The following ATXN2 variants were observed in gnomAD, a reference collection of about 807,000 sequenced individuals.
ATXN2 encodes ataxin 2.
Under a neutral mutation model 138.6 loss-of-function variants are expected in ATXN2, and 37 were observed. The ratio of observed to expected loss-of-function variants is 0.27; its 90% CI spans 0.21 to 0.35. ATXN2 has a LOEUF of 0.35. Among genes scored for constraint, ATXN2 ranks in the 10% least tolerant of loss-of-function variants. The pLI, the probability that ATXN2 is intolerant of heterozygous loss-of-function variation, is 1.00. For missense variants in ATXN2, 1,216 were observed against 1,480.3 expected, an observed-to-expected ratio of 0.82 and a Z score of 2.93; for synonymous variants, 549 against 543.7, an observed-to-expected ratio of 1.01 and a Z score of -0.13.
rs186217127 is a variant in ATXN2, at chr12:111,587,217, A to G, written c.251+11567T>C. Reference sequence around the variant, plus strand: ...TGCACAAAGTCCACAGCAAATGTTTATAAACCCGAAAAGAAAAATGCAGTA... The same window carrying G: ...TGCACAAAGTCCACAGCAAATGTTTGTAAACCCGAAAAGAAAAATGCAGTA... On this transcript the variant is annotated intron_variant, in intron 1 of 24. Coordinates refer to ENST00000673436, the MANE Select transcript of ATXN2 (RefSeq NM_001372574.1). Among the ~76,000 whole-genome samples, 73 of 152,296 alleles carry G rather than the reference A, an allele frequency of 4.8e-4. No individual in the cohort carries two copies. In the Middle Eastern group the frequency reaches 0.017, roughly 35 times the overall value.
At chr12:111,490,559 G>A (rs1179798513) in intron 14 of ATXN2, among the ~76,000 whole-genome samples, 1 of 152,118 alleles carries the variant, frequency 6.6e-6, no homozygotes, top group Admixed American at 6.6e-5. Flanking sequence ...GACAGAGCAT[G>A]GTGGCCAAAC....
rs1439093981 is a variant in ATXN2 at position 111,453,777 on chromosome 12, T to C, written c.3339A>G (p.Thr1113=). The C allele has an allele frequency of 6.8e-6, 11 of 1,614,036 alleles. No homozygotes were observed. Among genetic ancestry groups the C allele is most frequent in the Non-Finnish European group, 9.3e-6 (11 of 1,180,006 alleles). Residue 1113 remains threonine, a synonymous_variant, in exon 24 of 25, where the codon ACA becomes ACG. Coordinates refer to ENST00000673436, the MANE Select transcript of ATXN2 (RefSeq NM_001372574.1). This position sits in a 1 kb window ranked among gnomAD's most constrained non-coding sequence, Gnocchi z 5.4. ...TAHAPMMLMT[T]QPPGGPQAAL... ...CGGCCTGGGGACCGCCGGGTGGCTG[T>C]GTCGTCATTAGCATCATTGGCGCAT...
Position 111,552,771 on chromosome 12 carries a change from A to AAAT in ATXN2, c.420+134_420+135insATT, listed in dbSNP as rs1222511444. ...CATCAAGAAGCCTCTCTGATTACAC[A>AAAT]AACCAGTCTATAAAATAATCAGTAT... On this transcript the variant is annotated intron_variant, in intron 4 of 24. Transcript: ENST00000673436. The surrounding 1 kb of genome is among the most constrained non-coding windows in gnomAD (Gnocchi z 4.1). 7.9e-6 allele frequency: 5 copies of AAAT among 632,190 alleles called. No individual in the cohort carries two copies. The highest frequency in any genetic ancestry group is 1.3e-5 in the Non-Finnish European group (5 of 382,524). 39.2% of individuals were successfully genotyped at this position (632,190 alleles called of 1,614,324 possible).
intron 1 of ATXN2, among the ~76,000 whole-genome samples, chr12:111,590,894 AT>A (rs879886259): frequency 2.5e-3 from 355 of 144,806 alleles, no homozygotes; most frequent in African/African-American, 3.5e-3. Context: ...AGGTGGAACA[AT>A]TTTTTTTTTT....
At chr12:111,510,257 CT>C (rs1879425546) in intron 12 of ATXN2, 127 bp downstream of exon 12, 1 of 1,082,856 alleles carries the variant, frequency 9.2e-7, no homozygotes, top group Admixed American at 2.4e-5. Flanking sequence ...TTTACATAAA[CT>C]TTTAAATGTG....
At chr12:111,490,439 G>A (rs557740452) in intron 14 of ATXN2, among the ~76,000 whole-genome samples, 2 of 152,204 alleles carry the variant, frequency 1.3e-5, no homozygotes, top group South Asian at 4.1e-4. Context: ...GGCCTAGTCA[G>A]CTTGGAAGGT....
Position 111,598,337 on chromosome 12 carries a change from G to A in ATXN2, c.251+447C>T, listed in dbSNP as rs990418984. The A allele has an allele frequency of 2.0e-6, 2 of 991,514 alleles. No individual in the cohort carries two copies. Among genetic ancestry groups the A allele is most frequent in the Non-Finnish European group, 2.4e-6 (2 of 833,446 alleles). The allele number at this position is 991,514 out of a possible 1,614,324, so 61.4% of individuals were successfully genotyped here. A position where few individuals can be genotyped will look rare whatever the true frequency, so the allele number is the denominator to read the frequency against. On this transcript the variant is annotated intron_variant, in intron 1 of 24. Coordinates refer to ENST00000673436, the MANE Select transcript of ATXN2 (RefSeq NM_001372574.1). This position sits in a 1 kb window ranked among gnomAD's most constrained non-coding sequence, Gnocchi z 4.5. ...CCCTCCAGAGATGTCCCCCATGGAG[G>A]GGGACATGTTCCGGAAAACGCCACC...
At chr12:111,553,658 G>A (rs966079253) in intron 3 of ATXN2, among the ~76,000 whole-genome samples, 8 of 142,934 alleles carry the variant, frequency 5.6e-5, no homozygotes, top group Non-Finnish European at 1.0e-4. Flanking sequence ...CTGAGTGCAG[G>A]GGCATTATCT....
chr12:111,542,933 G>C (rs1881600845), intron 5 of ATXN2, among the ~76,000 whole-genome samples: 1 of 152,108 alleles, frequency 6.6e-6, no homozygotes. Context: ...TGGCAAACAT[G>C]ATAGGGTAGA....
chr12:111,507,532 G>A (rs1182064926), intron 14 of ATXN2, among the ~76,000 whole-genome samples: 1 of 151,176 alleles, frequency 6.6e-6, no homozygotes, highest in African/African-American at 2.4e-5. Flanking sequence ...CCATCCGGGA[G>A]GGAGGTGGGG....
chr12:111,556,014 G>C (rs563712177), intron 1 of ATXN2, 95 bp from the exon 2 acceptor site: 1 of 1,045,714 alleles, frequency 9.6e-7, no homozygotes, highest in African/African-American at 1.6e-5. Flanking sequence ...TCAAATAAAG[G>C]AGAGGCTATC....
chr12:111,460,353 C>T (rs1312773833), intron 21 of ATXN2, among the ~76,000 whole-genome samples: 1 of 152,212 alleles, frequency 6.6e-6, no homozygotes, highest in Non-Finnish European at 1.5e-5. Context: ...GGACTACAGG[C>T]GTGAGCCACC....
At chr12:111,554,889 G>A (rs988882580) in intron 2 of ATXN2, among the ~76,000 whole-genome samples, 1 of 152,146 alleles carries the variant, frequency 6.6e-6, no homozygotes, top group Non-Finnish European at 1.5e-5. Flanking sequence ...CCCTGACTAG[G>A]TTCTCCCAGC....
At chr12:111,484,676 T>C (rs1311936783) in intron 18 of ATXN2, among the ~76,000 whole-genome samples, 1 of 152,132 alleles carries the variant, frequency 6.6e-6, no homozygotes, top group Non-Finnish European at 1.5e-5. Flanking sequence ...CCTCAGGTGA[T>C]ACACCCACCT....
At chr12:111,591,595 T>C (rs1462134380) in intron 1 of ATXN2, among the ~76,000 whole-genome samples, 3 of 152,018 alleles carry the variant, frequency 2.0e-5, no homozygotes, top group South Asian at 2.1e-4. Flanking sequence ...GCCCCATAGA[T>C]TGAGGCTGCA....
intron 1 of ATXN2, among the ~76,000 whole-genome samples, chr12:111,564,233 T>C (rs1332188960): frequency 6.6e-6 from 1 of 151,946 alleles, no homozygotes; most frequent in Non-Finnish European, 1.5e-5. Flanking sequence ...TTTCTACCAC[T>C]ACCAAAATTA....
intron 20 of ATXN2, among the ~76,000 whole-genome samples, chr12:111,465,728 C>T (rs963536938): frequency 7.3e-6 from 1 of 137,614 alleles, no homozygotes; most frequent in Non-Finnish European, 1.5e-5. Context: ...TGAGATCGCA[C>T]CGCTGCACTT....
intron 1 of ATXN2, among the ~76,000 whole-genome samples, chr12:111,592,306 G>C (rs550933817): frequency 1.3e-5 from 2 of 151,726 alleles, no homozygotes; most frequent in Admixed American, 6.6e-5. Flanking sequence ...CAGGAGAATT[G>C]CTTGAACCTG....
In ATXN2 at chr12:111,554,312, G is replaced by A. The variant is rs746631845; in HGVS notation, c.289-95C>T. 2.3e-5 allele frequency: 20 copies of A among 858,180 alleles called. 1 individual carries two copies. In the Admixed American group the frequency reaches 2.7e-4, roughly 12 times the overall value. 53.2% of individuals were successfully genotyped at this position (858,180 alleles called of 1,614,324 possible). On this transcript the variant is annotated intron_variant, in intron 2 of 24. Coordinates refer to ENST00000673436, the MANE Select transcript of ATXN2 (RefSeq NM_001372574.1). ...TGGGACCAGAAGTATTTTAGACTGCGGATTTTTTTCGGATTTGGGGATATT... is the reference window on the plus strand; with the variant it reads ...TGGGACCAGAAGTATTTTAGACTGCAGATTTTTTTCGGATTTGGGGATATT...
Sources: gnomAD v4.1 joint callset for allele counts (sites outside exome capture counted in the v4.1 genomes callset) on GRCh38, gnomAD v4.1.1 for gene constraint, Gnocchi (gnomAD v3.1) non-coding constraint, MANE v1.5 for transcripts, NCBI Gene and HGNC (gene_info 2026-07-23, HGNC 2026-07-21) for gene names.